The following SNX24 variants were observed in gnomAD, a reference collection of about 807,000 sequenced individuals.
The protein encoded by SNX24 is sorting nexin 24.
A neutral mutation model predicts 28.7 loss-of-function variants in SNX24; 22 were observed. That is an observed-to-expected ratio of 0.77 (90% CI 0.55 to 1.10). The LOEUF (loss-of-function observed/expected upper bound fraction) is 1.10. SNX24 is among the 50% of genes least tolerant of loss of function. The pLI is 0.00. For synonymous variants in SNX24, 69 were observed against 71.5 expected (o/e 0.96, Z 0.18); for missense variants, 221 against 201.1 (o/e 1.10, Z -0.60).
rs192026891 is a variant in SNX24 at position 122,933,418 on chromosome 5, C to T, written c.61-3316C>T. Among the ~76,000 whole-genome samples the T allele has an allele frequency of 3.3e-5, 5 of 152,212 alleles. No homozygotes were observed. In the South Asian group the frequency reaches 1.0e-3, roughly 31 times the overall value. On this transcript the variant is annotated intron_variant, in intron 1 of 6. Coordinates refer to ENST00000261369, the MANE Select transcript of SNX24 (RefSeq NM_014035.4). Reference sequence around the variant, plus strand: ...TTCACCCAGGGTGCAGCTCCCTGTTCTCCATACTCCCAGCTCCCTTTCCTT... The same window carrying T: ...TTCACCCAGGGTGCAGCTCCCTGTTTTCCATACTCCCAGCTCCCTTTCCTT...
At chr5:122,903,119 T>G (rs927420090) in intron 1 of SNX24, among the ~76,000 whole-genome samples, 8 of 152,074 alleles carry the variant, frequency 5.3e-5, no homozygotes, top group Admixed American at 6.5e-5. Context: ...TTGTTTGTTT[T>G]TTTTTGATAC....
At chr5:122,954,146 C>T (rs1011223924) in intron 3 of SNX24, among the ~76,000 whole-genome samples, 2 of 151,690 alleles carry the variant, frequency 1.3e-5, no homozygotes, top group African/African-American at 4.8e-5. Flanking sequence ...ACCATATGTG[C>T]TTGAAAATGT....
At chr5:122,945,627 T>C (rs1195274682) in intron 2 of SNX24, among the ~76,000 whole-genome samples, 1 of 152,224 alleles carries the variant, frequency 6.6e-6, no homozygotes, top group Non-Finnish European at 1.5e-5. Context: ...ACAATACTTA[T>C]ATACAGTTGC....
intron 3 of SNX24, among the ~76,000 whole-genome samples, chr5:122,969,837 G>A (rs1218622624): frequency 2.0e-5 from 3 of 151,978 alleles, no homozygotes; most frequent in South Asian, 4.2e-4. Context: ...TCGCACCCAG[G>A]GTGCTGCTTG....
intron 1 of SNX24, 85 bp downstream of exon 1, chr5:122,845,778 CT>C: frequency 1.3e-6 from 1 of 791,682 alleles, no homozygotes; most frequent in South Asian, 4.8e-5. Context: ...CCGCCGCCGC[CT>C]TGGCGCAGGG....
chr5:122,982,063 C>G (rs1269481104), intron 3 of SNX24, among the ~76,000 whole-genome samples: 1 of 152,208 alleles, frequency 6.6e-6, no homozygotes, highest in East Asian at 1.9e-4. Context: ...CTTTGGCACA[C>G]ACATTTGTTT....
chr5:122,997,456 C>A (rs761036452), intron 3 of SNX24, among the ~76,000 whole-genome samples: 3 of 152,188 alleles, frequency 2.0e-5, no homozygotes, highest in Non-Finnish European at 4.4e-5. Flanking sequence ...TTTGGGGAAG[C>A]TGAGCAGGAT....
At chr5:122,901,201 CAAAA>C (rs58784065) in intron 1 of SNX24, among the ~76,000 whole-genome samples, 2 of 87,240 alleles carry the variant, frequency 2.3e-5, no homozygotes. Flanking sequence ...AACTCCATCT[CAAAA>C]AAAAAAAAAA....
intron 1 of SNX24, among the ~76,000 whole-genome samples, chr5:122,904,410 C>T (rs145010802): frequency 0.1 from 15,856 of 151,954 alleles, 1,219 homozygotes; most frequent in East Asian, 0.36. Context: ...CTCAAACTCC[C>T]GACCTCAGGT....
intron 5 of SNX24, chr5:123,025,757 T>C (rs373810623): frequency 6.2e-7 from 1 of 1,601,922 alleles, no homozygotes; most frequent in Non-Finnish European, 8.5e-7. Flanking sequence ...TATAAAGCTT[T>C]GAAAGGAAAA....
chr5:122,990,758 A>G (rs1306362458), intron 3 of SNX24, among the ~76,000 whole-genome samples: 1 of 152,188 alleles, frequency 6.6e-6, no homozygotes, highest in African/African-American at 2.4e-5. Context: ...TATTTAACTA[A>G]ATGCCTTACC....
intron 1 of SNX24, among the ~76,000 whole-genome samples, chr5:122,894,440 A>G (rs980160087): frequency 1.3e-5 from 2 of 151,866 alleles, no homozygotes; most frequent in Non-Finnish European, 2.9e-5. Flanking sequence ...TTTGGTCAGT[A>G]TATCCTAAAA....
At chr5:122,851,510 T>G (rs1754918551) in intron 1 of SNX24, among the ~76,000 whole-genome samples, 1 of 152,192 alleles carries the variant, frequency 6.6e-6, no homozygotes, top group Non-Finnish European at 1.5e-5. Context: ...AGCGTTGAAT[T>G]AGATTCAAGT....
chr5:122,994,274 T>C (rs1444805873), intron 3 of SNX24, among the ~76,000 whole-genome samples: 1 of 152,174 alleles, frequency 6.6e-6, no homozygotes, highest in Non-Finnish European at 1.5e-5. Flanking sequence ...TGTGTCACCG[T>C]TTATGCTCGC....
At chr5:122,953,527 G>GA (rs35953786) in intron 3 of SNX24, among the ~76,000 whole-genome samples, 113,885 of 148,712 alleles carry the variant, frequency 0.77, 44,228 homozygotes, top group East Asian at 0.99. Flanking sequence ...TAATCTTCCA[G>GA]AAAAAAAAAA....
At chr5:122,851,356 G>A (rs184989465) in intron 1 of SNX24, among the ~76,000 whole-genome samples, 476 of 152,102 alleles carry the variant, frequency 3.1e-3, no homozygotes, top group Non-Finnish European at 5.4e-3. Context: ...AGTAGAGATG[G>A]AGTTTCATCA....
At chr5:123,012,677 A>G (rs1762610720), downstream of SNX24, among the ~76,000 whole-genome samples, 1 of 152,080 alleles carries the variant, frequency 6.6e-6, no homozygotes, top group African/African-American at 2.4e-5. Flanking sequence ...TTACCACAAT[A>G]AAAACAATAA....
At chr5:123,025,398 T>C (rs140471251) in intron 5 of SNX24, among the ~76,000 whole-genome samples, 146 of 152,350 alleles carry the variant, frequency 9.6e-4, no homozygotes, top group Middle Eastern at 6.8e-3. Flanking sequence ...TGAAGTCATA[T>C]AGTATTTGTC....
chr5:123,025,832 G>C (rs556627573), intron 5 of SNX24: 2 of 1,614,048 alleles, frequency 1.2e-6, no homozygotes, highest in Middle Eastern at 1.6e-4. Flanking sequence ...CGTCCAACCA[G>C]GTGGGCTTGG....
Sources: gnomAD v4.1 joint callset for allele counts (sites outside exome capture counted in the v4.1 genomes callset) on GRCh38, gnomAD v4.1.1 for gene constraint, MANE v1.5 for transcripts, NCBI Gene and HGNC (gene_info 2026-07-23, HGNC 2026-07-21) for gene names.